PLSCR2: variants seen among roughly 807,000 people sequenced by gnomAD.
PLSCR2 encodes the protein phospholipid scramblase 2, also known as PL scramblase 2.
PLSCR2 carries 18 observed loss-of-function variants against 25.3 expected under a neutral mutation model. The observed-to-expected ratio is 0.71, with a 90% CI of 0.49 to 1.06. The LOEUF (loss-of-function observed/expected upper bound fraction) is 1.06. Ranked by LOEUF, PLSCR2 falls within the 50% of genes least tolerant of loss-of-function variation. PLSCR2 has a pLI of 0.00. For missense variants in PLSCR2, 243 were observed against 269.5 expected (o/e 0.90, Z 0.69); for synonymous variants, 88 against 87.3 (o/e 1.01, Z -0.04).
chr3:146,436,376 T>G (rs1203792324), intron 8 of PLSCR2, among the ~76,000 whole-genome samples: 3 of 152,220 alleles, frequency 2.0e-5, no homozygotes, highest in African/African-American at 7.2e-5. Context: ...GGATGGCCAT[T>G]TTCATGATAC....
chr3:146,441,388 A>G (rs1346229962), downstream of PLSCR2, among the ~76,000 whole-genome samples: 1 of 152,018 alleles, frequency 6.6e-6, no homozygotes, highest in Non-Finnish European at 1.5e-5. Flanking sequence ...TAGCTTTAAA[A>G]AATAAAATAT....
chr3:146,477,699 A>T (rs1285691799), intron 1 of PLSCR2, among the ~76,000 whole-genome samples: 1 of 152,214 alleles, frequency 6.6e-6, no homozygotes, highest in Non-Finnish European at 1.5e-5. Context: ...GCAGACTTAA[A>T]CACCCTGTCT....
intron 1 of PLSCR2, chr3:146,469,257 C>A (rs1380643598): frequency 3.0e-6 from 3 of 985,504 alleles, no homozygotes; most frequent in Non-Finnish European, 1.2e-6. Flanking sequence ...CCCCGCAAGG[C>A]GTTTTCAGGC....
In PLSCR2 at chr3:146,474,322, G is replaced by A. The variant is rs148603328; in HGVS notation, c.-292-14038C>T. ...TTTTCAATAGCTCCAAGATTTCCACGGCACCAAGGGGGAAAAGGTATAACA... is the reference window on the plus strand; with the variant it reads ...TTTTCAATAGCTCCAAGATTTCCACAGCACCAAGGGGGAAAAGGTATAACA... On this transcript the variant is annotated intron_variant, in intron 1 of 8. Transcript: ENST00000336685. Among the ~76,000 whole-genome samples the A allele has an allele frequency of 7.2e-5, 11 of 152,164 alleles. No individual in the cohort carries two copies. The East Asian group carries it at 1.9e-3, about 27-fold the overall frequency.
At chr3:146,492,416 CA>C (rs915174718) in intron 1 of PLSCR2, among the ~76,000 whole-genome samples, 1 of 151,976 alleles carries the variant, frequency 6.6e-6, no homozygotes, top group East Asian at 1.9e-4. Context: ...AAGCAATTCA[CA>C]AAAAATTTAA....
intron 6 of PLSCR2, among the ~76,000 whole-genome samples, chr3:146,444,441 C>T (rs1185669345): frequency 6.6e-6 from 1 of 151,582 alleles, no homozygotes; most frequent in African/African-American, 2.4e-5. Context: ...TATCTCGGTG[C>T]TCCAGTATTG....
intron 2 of PLSCR2, among the ~76,000 whole-genome samples, chr3:146,405,036 C>T (rs1418025620): frequency 6.6e-6 from 1 of 152,028 alleles, no homozygotes; most frequent in Admixed American, 6.6e-5. Flanking sequence ...GAGAAAATGC[C>T]ACACTTTGAG....
chr3:146,396,316 A>AT (rs1414467798), intron 2 of PLSCR2, among the ~76,000 whole-genome samples: 19 of 150,352 alleles, frequency 1.3e-4, no homozygotes, highest in African/African-American at 2.4e-4. Flanking sequence ...CTTTTTCCTC[A>AT]TTTTTTTTTC....
downstream of PLSCR2, among the ~76,000 whole-genome samples, chr3:146,429,633 A>ATT (rs56760386): frequency 1.3e-5 from 2 of 149,456 alleles, no homozygotes; most frequent in Non-Finnish European, 3.0e-5. Context: ...TTATTTATTT[A>ATT]TTTTTTTTTT....
At chr3:146,455,492 G>A (rs150648405) in intron 3 of PLSCR2, 33 bp from the exon 4 acceptor site, 113 of 1,292,180 alleles carry the variant, frequency 8.7e-5, no homozygotes, top group East Asian at 6.2e-4. Context: ...TTGCCTTTAC[G>A]TTAAAATGAT....
chr3:146,455,317 A>G (rs767899262), exon 4 of PLSCR2: 2 of 1,614,042 alleles, frequency 1.2e-6, no homozygotes, highest in Admixed American at 3.3e-5. Flanking sequence ...GACCCACATT[A>G]TCAGTAATCC....
intron 8 of PLSCR2, among the ~76,000 whole-genome samples, chr3:146,434,227 T>C (rs568816146): frequency 1.3e-5 from 2 of 152,222 alleles, no homozygotes; most frequent in Non-Finnish European, 1.5e-5. Flanking sequence ...AATATAATAA[T>C]ATATACCTGA....
intron 1 of PLSCR2, among the ~76,000 whole-genome samples, chr3:146,467,301 A>C (rs1360434951): frequency 1.3e-5 from 2 of 152,024 alleles, no homozygotes; most frequent in African/African-American, 4.8e-5. Context: ...GAGACAAAAG[A>C]AACAAAAATG....
exon 4 of PLSCR2, chr3:146,455,451 T>A: frequency 6.3e-7 from 1 of 1,588,768 alleles, no homozygotes; most frequent in Non-Finnish European, 8.6e-7. Context: ...CTTTCAAAAC[T>A]GAATAGAACT....
chr3:146,396,282 C>T (rs1231023569), intron 2 of PLSCR2, among the ~76,000 whole-genome samples: 2 of 152,124 alleles, frequency 1.3e-5, no homozygotes, highest in African/African-American at 4.8e-5. Flanking sequence ...TTCATAAGTG[C>T]TTTTTATTTT....
intron 1 of PLSCR2, among the ~76,000 whole-genome samples, chr3:146,473,888 T>G (rs2042200710): frequency 6.6e-6 from 1 of 152,206 alleles, no homozygotes; most frequent in Non-Finnish European, 1.5e-5. Flanking sequence ...TTAAGAACCA[T>G]TGCTAAGTGT....
chr3:146,426,883 A>T (rs1453916857), intron 2 of PLSCR2, among the ~76,000 whole-genome samples: 1 of 152,200 alleles, frequency 6.6e-6, no homozygotes, highest in Non-Finnish European at 1.5e-5. Context: ...ACAAAAATAA[A>T]GTGTGTATCT....
downstream of PLSCR2, among the ~76,000 whole-genome samples, chr3:146,438,425 C>T (rs1305754885): frequency 4.6e-5 from 7 of 152,128 alleles, no homozygotes. Flanking sequence ...CTTTGTAGGT[C>T]TCTAAGGACT....
intron 2 of PLSCR2, among the ~76,000 whole-genome samples, chr3:146,428,000 G>T (rs1367686789): frequency 6.6e-6 from 1 of 152,070 alleles, no homozygotes; most frequent in African/African-American, 2.4e-5. Context: ...ATTTATATGA[G>T]TGACTATCTT....
Sources: gnomAD v4.1 joint callset for allele counts (sites outside exome capture counted in the v4.1 genomes callset) on GRCh38, gnomAD v4.1.1 for gene constraint, MANE v1.5 for transcripts, NCBI Gene and HGNC (gene_info 2026-07-23, HGNC 2026-07-21) for gene names.